SBF2: variants seen among roughly 807,000 people sequenced by gnomAD.
The protein encoded by SBF2 is SET binding factor 2, also known as myotubularin-related protein 13.
Under a neutral mutation model 225.2 loss-of-function variants are expected in SBF2, and 112 were observed. The ratio of observed to expected loss-of-function variants is 0.50; its 90% CI spans 0.43 to 0.58. The LOEUF is 0.58. SBF2 is among the 20% of genes least tolerant of loss of function. The pLI is 0.00. For synonymous variants in SBF2, 763 were observed against 773.3 expected (o/e 0.99, Z 0.22); for missense variants, 1,996 against 2,206.2 (o/e 0.90, Z 1.91).
At position 9,839,568 on chromosome 11, in the gene SBF2, T is replaced by G. The variant is rs1226572121; in HGVS notation, c.3385A>C (p.Ser1129Arg). The part of the protein sequence containing the change: ...QRLGLGTISG[S>R]SSRSRPEYFR... Reference sequence around the variant, plus strand: ...TACTCGGGTCTTGAACGGGAAGAGCTGCCACTTATGGTTCCTAAACCTAAA... The same window carrying G: ...TACTCGGGTCTTGAACGGGAAGAGCGGCCACTTATGGTTCCTAAACCTAAA... Residue 1129 changes from serine (S) to arginine (R), a missense_variant, in exon 26 of 40, where the codon AGC (serine) becomes CGC (arginine). By Grantham distance (110) the Ser-to-Arg change is moderately radical (BLOSUM62 -1). Transcript: ENST00000256190. 6.2e-7 allele frequency: 1 copy of G among 1,614,074 alleles called. No homozygotes were observed. Among genetic ancestry groups the G allele is most frequent in the Non-Finnish European group, 8.5e-7 (1 of 1,180,036 alleles).
intron 27 of SBF2, 136 bp from the exon 28 acceptor site, chr11:9,829,632 T>C (rs773843355): frequency 9.2e-6 from 7 of 758,434 alleles, no homozygotes; most frequent in Admixed American, 2.3e-5. Context: ...CACCCAAATA[T>C]AGAAACCAGC....
At chr11:10,050,678 T>G (rs1004992825) in intron 2 of SBF2, among the ~76,000 whole-genome samples, 1 of 152,130 alleles carries the variant, frequency 6.6e-6, no homozygotes, top group Non-Finnish European at 1.5e-5. Context: ...ATAAACATTG[T>G]GACATAGCTA....
At chr11:10,091,625 T>C (rs968924293) in intron 2 of SBF2, among the ~76,000 whole-genome samples, 1 of 152,130 alleles carries the variant, frequency 6.6e-6, no homozygotes, top group Non-Finnish European at 1.5e-5. Flanking sequence ...ATACAGATAA[T>C]TTTGGGGGTA....
At chr11:10,164,427 T>C (rs545421941) in intron 2 of SBF2, among the ~76,000 whole-genome samples, 5 of 152,066 alleles carry the variant, frequency 3.3e-5, no homozygotes, top group Non-Finnish European at 7.4e-5. Flanking sequence ...CTAAAAGAAA[T>C]CAATCACATT....
chr11:10,229,327 T>G (rs772683756), intron 1 of SBF2, among the ~76,000 whole-genome samples: 1 of 151,888 alleles, frequency 6.6e-6, no homozygotes, highest in East Asian at 1.9e-4. Context: ...TCAGTTCTGC[T>G]CTCTTAGTTA....
At chr11:10,234,799 CAGAA>C (rs1958998450) in intron 1 of SBF2, among the ~76,000 whole-genome samples, 1 of 152,088 alleles carries the variant, frequency 6.6e-6, no homozygotes, top group Admixed American at 6.6e-5. Flanking sequence ...GCATCCAAAA[CAGAA>C]AGAACAAAGG....
intron 38 of SBF2, among the ~76,000 whole-genome samples, chr11:9,783,716 G>A (rs1413902585): frequency 1.3e-5 from 2 of 152,206 alleles, no homozygotes; most frequent in Admixed American, 1.3e-4. Flanking sequence ...AGTCAGCAAG[G>A]ACCAGTCTAG....
chr11:10,280,723 T>C (rs1963348168), intron 1 of SBF2, among the ~76,000 whole-genome samples: 1 of 151,212 alleles, frequency 6.6e-6, no homozygotes. Context: ...CAATCTGGGC[T>C]AAAACTACCC....
At chr11:10,261,828 A>G (rs12277936) in intron 1 of SBF2, among the ~76,000 whole-genome samples, 3,273 of 152,322 alleles carry the variant, frequency 0.021, 90 homozygotes, top group African/African-American at 0.065. Flanking sequence ...TAATGTGGAT[A>G]TACTTCAAAA....
intron 16 of SBF2, among the ~76,000 whole-genome samples, chr11:9,932,250 G>A (rs1864549189): frequency 6.6e-6 from 1 of 152,120 alleles, no homozygotes; most frequent in Non-Finnish European, 1.5e-5. Flanking sequence ...AGCAAGGCAG[G>A]CCAACATTCA....
intron 1 of SBF2, among the ~76,000 whole-genome samples, chr11:10,289,006 G>A (rs1388813066): frequency 6.6e-6 from 1 of 152,178 alleles, no homozygotes; most frequent in Admixed American, 6.5e-5. Context: ...TCGCTTCAAG[G>A]GGTACCTGCA....
At chr11:10,137,612 T>C (rs1252153563) in intron 2 of SBF2, among the ~76,000 whole-genome samples, 2 of 152,162 alleles carry the variant, frequency 1.3e-5, no homozygotes, top group Non-Finnish European at 2.9e-5. Flanking sequence ...TATAAATGGG[T>C]GTTGAATTTT....
At chr11:9,805,728 T>C (rs1429671004) in intron 32 of SBF2, among the ~76,000 whole-genome samples, 1 of 152,184 alleles carries the variant, frequency 6.6e-6, no homozygotes, top group Non-Finnish European at 1.5e-5. Flanking sequence ...GTTCAAGCGA[T>C]TCTCCTGCTT....
At chr11:9,837,949 G>C (rs1855837225) in intron 26 of SBF2, 3 of 151,636 alleles carry the variant, frequency 2.0e-5, no homozygotes, top group Non-Finnish European at 2.9e-5. Flanking sequence ...TGTTGGCCAG[G>C]ATGGTCTCCA....
At chr11:9,805,904 A>G (rs1853812895) in intron 32 of SBF2, among the ~76,000 whole-genome samples, 1 of 152,222 alleles carries the variant, frequency 6.6e-6, no homozygotes, top group Non-Finnish European at 1.5e-5. Context: ...TACAGGCGTG[A>G]GCCACCACGC....
chr11:9,911,386 A>G (rs1368709903), intron 16 of SBF2, among the ~76,000 whole-genome samples: 49 of 151,184 alleles, frequency 3.2e-4, no homozygotes, highest in Admixed American at 3.2e-3. Flanking sequence ...TCTGTCTCAA[A>G]AAAAAAAAAA....
chr11:10,217,128 T>C (rs1268844706), intron 1 of SBF2, among the ~76,000 whole-genome samples: 1 of 152,122 alleles, frequency 6.6e-6, no homozygotes. Context: ...ACTGACAATA[T>C]TAAATATTAA....
intron 6 of SBF2, among the ~76,000 whole-genome samples, chr11:10,008,631 C>T (rs903200902): frequency 1.3e-5 from 2 of 152,334 alleles, no homozygotes; most frequent in African/African-American, 4.8e-5. Context: ...GGAAGGCCAA[C>T]TGCATCAATG....
In SBF2 at chr11:10,042,899, G is replaced by C; in HGVS notation, c.224C>G (p.Ser75Ter). 6.2e-7 allele frequency: 1 copy of C among 1,614,004 alleles called. No individual in the cohort carries two copies. ...TAGGCATGAGCAGTAATGTCGATCTGAGTCAATGTCTGTCAGGACAACCAC... is the reference window on the plus strand; with the variant it reads ...TAGGCATGAGCAGTAATGTCGATCTCAGTCAATGTCTGTCAGGACAACCAC... ...FFVVVLTDID[S>*]DRHYCSCLTF... is the part of the protein sequence containing the mutation. Residue 75 changes from serine (S) to a stop codon, truncating the protein, a stop_gained, in exon 3 of 40, where the codon TCA (serine) becomes TGA (stop). Transcript: ENST00000256190. LOFTEE classifies it high-confidence loss of function.
Sources: gnomAD v4.1 joint callset for allele counts (sites outside exome capture counted in the v4.1 genomes callset) on GRCh38, gnomAD v4.1.1 for gene constraint, MANE v1.5 for transcripts, NCBI Gene and HGNC (gene_info 2026-07-23, HGNC 2026-07-21) for gene names.